The following ADGRL2 variants were observed in gnomAD, a reference collection of about 807,000 sequenced individuals.
The protein encoded by ADGRL2 is adhesion G protein-coupled receptor L2.
ADGRL2 carries 44 observed loss-of-function variants against 157.4 expected under a neutral mutation model. The observed-to-expected ratio is 0.28, with a 90% CI of 0.22 to 0.36. ADGRL2 has a LOEUF of 0.36. ADGRL2 is among the 10% of genes least tolerant of loss of function. ADGRL2 has a pLI of 1.00. For missense variants in ADGRL2, 1,510 were observed against 1,768.9 expected, an observed-to-expected ratio of 0.85 and a Z score of 2.63; for synonymous variants, 585 against 624.7, an observed-to-expected ratio of 0.94 and a Z score of 0.95.
At chr1:81,652,263 A>C (rs1402636452) in intron 3 of ADGRL2, among the ~76,000 whole-genome samples, 1 of 152,206 alleles carries the variant, frequency 6.6e-6, no homozygotes, top group Non-Finnish European at 1.5e-5. Context: ...AAAATATTTA[A>C]TTCTATATCT....
chr1:81,786,450 C>T (rs2087050856), intron 2 of ADGRL2, among the ~76,000 whole-genome samples: 1 of 152,112 alleles, frequency 6.6e-6, no homozygotes, highest in Admixed American at 6.5e-5. Context: ...GTGGTGCACA[C>T]CTATAATCCC....
chr1:81,795,708 T>G (rs1353442937), upstream of ADGRL2, among the ~76,000 whole-genome samples: 1 of 152,194 alleles, frequency 6.6e-6, no homozygotes, highest in East Asian at 1.9e-4. Context: ...AAAATTCAAT[T>G]TGGACTATTC....
intron 2 of ADGRL2, among the ~76,000 whole-genome samples, chr1:81,884,709 G>A (rs551624880): frequency 1.3e-4 from 20 of 152,260 alleles, no homozygotes; most frequent in Admixed American, 1.2e-3. Context: ...AACCTGATAC[G>A]AATGTGACCC....
chr1:81,769,926 C>T (rs1423137441), intron 2 of ADGRL2, among the ~76,000 whole-genome samples: 2 of 151,404 alleles, frequency 1.3e-5, no homozygotes, highest in African/African-American at 2.4e-5. Context: ...TGCAATGGCA[C>T]GATCTTAGCT....
intron 1 of ADGRL2, among the ~76,000 whole-genome samples, chr1:81,810,788 G>A (rs2089771627): frequency 6.6e-6 from 1 of 151,784 alleles, no homozygotes; most frequent in Non-Finnish European, 1.5e-5. Context: ...AAAGAGATGA[G>A]CATAATTCTA....
In ADGRL2 at chr1:81,418,646, C is replaced by T. The variant is rs560916831; in HGVS notation, c.-301-26390C>T. 2.7e-3 allele frequency among the ~76,000 whole-genome samples: 411 copies of T among 152,072 alleles called. 1 individual carries two copies. Among genetic ancestry groups the T allele is most frequent in the African/African-American group, 9.6e-3 (398 of 41,492 alleles). On this transcript the variant is annotated intron_variant, in intron 1 of 24. Coordinates refer to the ADGRL2 transcript ENST00000370721. ...GCAGGCGCCTGCAGTCCCAGCTACT[C>T]GGGAGGCTGAGGCAGGAGAATGGCA...
At chr1:81,501,833 C>CAGCAGCAGCAGCAGCAGCAGCAG (rs1190015060) in intron 2 of ADGRL2, 2 of 1,588,570 alleles carry the variant, frequency 1.3e-6, no homozygotes, top group African/African-American at 2.7e-5. Flanking sequence ...ACAGAAGCAG[C>CAGCAGCAGCAGCAGCAGCAGCAG]CACACCTGGC....
intron 1 of ADGRL2, among the ~76,000 whole-genome samples, chr1:81,760,482 G>T (rs886334553): frequency 6.7e-6 from 1 of 148,480 alleles, no homozygotes; most frequent in Non-Finnish European, 1.5e-5. Context: ...TAAATACATT[G>T]CTTTTGGTGT....
rs138691845 is a variant in ADGRL2, at chr1:81,438,076, G to A, written c.-301-6960G>A. Among the ~76,000 whole-genome samples, 1,204 of 148,572 alleles carry A rather than the reference G, an allele frequency of 8.1e-3. 8 individuals are homozygous for A. Among genetic ancestry groups the A allele is most frequent in the Non-Finnish European group, 0.013 (856 of 67,470 alleles). On this transcript the variant is annotated intron_variant, in intron 1 of 24. Transcript: ENST00000370721. ...AAAGCTGTATCCATTCCTTCTCACC[G>A]AATATGCCCCGTGATCAACACATTG...
At chr1:81,917,369 G>C (rs1455082286) in intron 3 of ADGRL2, among the ~76,000 whole-genome samples, 3 of 152,012 alleles carry the variant, frequency 2.0e-5, no homozygotes, top group Admixed American at 2.0e-4. Flanking sequence ...ATATTTTAAA[G>C]ATCCATTCTT....
intron 1 of ADGRL2, among the ~76,000 whole-genome samples, chr1:81,827,722 G>A (rs748835158): frequency 3.3e-5 from 5 of 151,880 alleles, no homozygotes; most frequent in African/African-American, 4.8e-5. Flanking sequence ...GTGCCACCAC[G>A]CCTGGCTAAT....
At chr1:81,981,758 G>A in intron 18 of ADGRL2, 50 bp from the exon 19 acceptor site, 3 of 1,437,864 alleles carry the variant, frequency 2.1e-6, no homozygotes, top group Non-Finnish European at 1.9e-6. Context: ...AGCGTGATGT[G>A]TGTTTTTTGC....
chr1:81,438,533 A>G (rs2077451151), intron 1 of ADGRL2, among the ~76,000 whole-genome samples: 1 of 152,130 alleles, frequency 6.6e-6, no homozygotes, highest in Non-Finnish European at 1.5e-5. Context: ...TCATATTAGC[A>G]CCCAATATGG....
rs571809433 is a variant in ADGRL2 at position 81,465,645 on chromosome 1, T to C, written c.-248+20556T>C. Among the ~76,000 whole-genome samples the C allele has an allele frequency of 2.6e-4, 39 of 152,312 alleles. No homozygotes were observed. In the South Asian group the frequency reaches 7.9e-3, roughly 31 times the overall value. ...AATGTTGGTACACTAACTCCTAGTTTTACGTCCCTATGATGGTATTTATAG... is the reference window on the plus strand; with the variant it reads ...AATGTTGGTACACTAACTCCTAGTTCTACGTCCCTATGATGGTATTTATAG... On this transcript the variant is annotated intron_variant, in intron 2 of 24. Transcript: ENST00000370721.
At chr1:81,436,447 T>C (rs2077411544) in intron 1 of ADGRL2, among the ~76,000 whole-genome samples, 1 of 151,952 alleles carries the variant, frequency 6.6e-6, no homozygotes, top group South Asian at 2.1e-4. Context: ...TTGAACTATT[T>C]TTTTTCCTCG....
intron 2 of ADGRL2, among the ~76,000 whole-genome samples, chr1:81,902,749 A>G (rs1382615472): frequency 6.6e-6 from 1 of 152,230 alleles, no homozygotes; most frequent in Non-Finnish European, 1.5e-5. Flanking sequence ...GGCCACAACT[A>G]GAGAACTTTT....
intron 1 of ADGRL2, among the ~76,000 whole-genome samples, chr1:81,403,874 T>C (rs2076806980): frequency 6.6e-6 from 1 of 150,880 alleles, no homozygotes; most frequent in Admixed American, 6.6e-5. Context: ...CTCAGCTCAC[T>C]GCAAACTCTG....
At chr1:81,408,743 A>G (rs2076898507) in intron 1 of ADGRL2, among the ~76,000 whole-genome samples, 1 of 152,228 alleles carries the variant, frequency 6.6e-6, no homozygotes. Flanking sequence ...GAACTGAACA[A>G]TGTAAACTAA....
chr1:81,462,164 ACACTCTGTAAGATGGACCAATCAC>A (rs2077948017), intron 2 of ADGRL2, among the ~76,000 whole-genome samples: 1 of 152,048 alleles, frequency 6.6e-6, no homozygotes, highest in South Asian at 2.1e-4. Flanking sequence ...TGGACCAATC[ACACTCTGTAAGATGGACCAATCAC>A]CACTCTGTAA....
Sources: gnomAD v4.1 joint callset for allele counts (sites outside exome capture counted in the v4.1 genomes callset) on GRCh38, gnomAD v4.1.1 for gene constraint, MANE v1.5 for transcripts, NCBI Gene and HGNC (gene_info 2026-07-23, HGNC 2026-07-21) for gene names.